The following ARFGEF3 variants were observed in gnomAD, a reference collection of about 807,000 sequenced individuals.
ARFGEF3 encodes the protein ARFGEF family member 3, also known as brefeldin A-inhibited guanine nucleotide-exchange protein 3.
ARFGEF3 carries 96 observed loss-of-function variants against 221.7 expected under a neutral mutation model. The observed-to-expected ratio is 0.43, with a 90% CI of 0.37 to 0.51. ARFGEF3 has a LOEUF of 0.51. Ranked by LOEUF, ARFGEF3 falls within the 20% of genes least tolerant of loss-of-function variation. The pLI, the probability that ARFGEF3 is intolerant of heterozygous loss-of-function variation, is 0.00. For synonymous variants in ARFGEF3, 1,145 were observed against 1,126.8 expected, an observed-to-expected ratio of 1.02 and a Z score of -0.32; for missense variants, 2,410 against 2,789.9, an observed-to-expected ratio of 0.86 and a Z score of 3.07.
At chr6:138,254,727 A>G (rs1026474779) in intron 9 of ARFGEF3, among the ~76,000 whole-genome samples, 1 of 152,136 alleles carries the variant, frequency 6.6e-6, no homozygotes, top group African/African-American at 2.4e-5. Context: ...AAAATATATA[A>G]TAATAATAAA....
In ARFGEF3 at chr6:138,287,150, G is replaced by A; in HGVS notation, c.2862G>A (p.Arg954=). 3.2e-6 allele frequency: 5 copies of A among 1,570,670 alleles called. No individual in the cohort carries two copies. The highest frequency in any genetic ancestry group is 4.3e-6 in the Non-Finnish European group (5 of 1,157,586). The change falls in exon 17 of 34, where the codon AGG becomes AGA. Residue 954 remains arginine (R), a synonymous_variant. Coordinates refer to ENST00000251691, the MANE Select transcript of ARFGEF3 (RefSeq NM_020340.5). ...GTGTCCAAGAAGAAAAAGAAGAGAG[G>A]GAGGCCCAAGAACCCAGTGATGCCA... The part of the protein sequence containing the change: ...ASCVQEEKEE[R]EAQEPSDAIT...
intron 8 of ARFGEF3, among the ~76,000 whole-genome samples, chr6:138,252,425 A>G (rs1242297499): frequency 6.6e-6 from 1 of 152,224 alleles, no homozygotes; most frequent in Non-Finnish European, 1.5e-5. Context: ...TATCAATGTC[A>G]GTGTATTAAA....
intron 32 of ARFGEF3, among the ~76,000 whole-genome samples, chr6:138,333,193 C>T (rs1335800746): frequency 6.6e-6 from 1 of 152,160 alleles, no homozygotes; most frequent in Non-Finnish European, 1.5e-5. Flanking sequence ...AAACATAGTA[C>T]AGGTTGAGCA....
chr6:138,287,942 G>C (rs548676507), intron 17 of ARFGEF3, among the ~76,000 whole-genome samples: 1 of 152,102 alleles, frequency 6.6e-6, no homozygotes, highest in East Asian at 1.9e-4. Context: ...CGCTCTCACA[G>C]ATCCCCAGCG....
Position 138,291,829 on chromosome 6 carries a change from A to T in ARFGEF3, c.3144A>T (p.Gly1048=), listed in dbSNP as rs752885757. 3.3e-6 allele frequency: 5 copies of T among 1,493,540 alleles called. No homozygotes were observed. The Admixed American group carries it at 1.1e-4, about 33-fold the overall frequency. The allele number at this position is 1,493,540 out of a possible 1,614,324, so 92.5% of individuals were successfully genotyped here. Residue 1048 remains glycine (G), a synonymous_variant, in exon 19 of 34, where the codon GGA becomes GGT. Transcript: ENST00000251691. This position sits in a 1 kb window ranked among gnomAD's most constrained non-coding sequence, Gnocchi z 4.5. ...LTISQPQKAT[G]SAGLLGDPEC... ...TCAGCCAGCCCCAGAAGGCCACTGG[A>T]AGCGCTGGCCTCCTTGGGGACCCCG...
At chr6:138,238,699 C>G in intron 6 of ARFGEF3, 68 bp downstream of exon 6, 1 of 1,539,134 alleles carries the variant, frequency 6.5e-7, no homozygotes, top group South Asian at 1.2e-5. Context: ...GCCCCGGGGC[C>G]CCCACTGCCA....
At chr6:138,210,491 T>TC (rs1402192742) in intron 4 of ARFGEF3, among the ~76,000 whole-genome samples, 2 of 152,062 alleles carry the variant, frequency 1.3e-5, no homozygotes, top group African/African-American at 2.4e-5. Context: ...TTTTTTTTTT[T>TC]CTCCTTCAAA....
intron 2 of ARFGEF3, among the ~76,000 whole-genome samples, chr6:138,192,928 GTC>G (rs1777336840): frequency 6.6e-6 from 1 of 152,036 alleles, no homozygotes; most frequent in Admixed American, 6.6e-5. Flanking sequence ...TTTTATGATA[GTC>G]TGTTTTCTAT....
Position 138,210,005 on chromosome 6 carries a change from T to A in ARFGEF3, c.315T>A (p.Pro105=). The A allele has an allele frequency of 6.2e-7, 1 of 1,613,876 alleles. No individual in the cohort carries two copies. Among genetic ancestry groups the A allele is most frequent in the Admixed American group, 1.7e-5 (1 of 60,024 alleles). ...NQILNAVKVT[P]SLNEDLQVEV... Reference sequence around the variant, plus strand: ...TACTGAATGCCGTGAAAGTGACGCCTTCGCTCAACGAGGACCTGCAGGTGG... The same window carrying A: ...TACTGAATGCCGTGAAAGTGACGCCATCGCTCAACGAGGACCTGCAGGTGG... Residue 105 remains proline, a synonymous_variant, in exon 4 of 34, where the codon CCT becomes CCA. Coordinates refer to ENST00000251691, the MANE Select transcript of ARFGEF3 (RefSeq NM_020340.5).
At chr6:138,195,340 C>G (rs1188915286) in intron 2 of ARFGEF3, among the ~76,000 whole-genome samples, 2 of 151,992 alleles carry the variant, frequency 1.3e-5, no homozygotes, top group Admixed American at 1.3e-4. Context: ...ATGTTTTATT[C>G]TTGAAGATAT....
At chr6:138,217,899 T>C in intron 4 of ARFGEF3, 1 of 1,459,318 alleles carries the variant, frequency 6.9e-7, no homozygotes, top group South Asian at 1.5e-5. Context: ...GTTCAGTTAC[T>C]TGGCTGGGCT....
intron 13 of ARFGEF3, 115 bp from the exon 14 acceptor site, chr6:138,279,884 C>A (rs763924200): frequency 2.0e-6 from 2 of 1,016,694 alleles, no homozygotes; most frequent in African/African-American, 1.6e-5. Flanking sequence ...TTACCCAATA[C>A]ACAAGCCTTG....
intron 14 of ARFGEF3, among the ~76,000 whole-genome samples, chr6:138,284,092 G>T (rs2114624777): frequency 6.6e-6 from 1 of 152,280 alleles, no homozygotes; most frequent in Non-Finnish European, 1.5e-5. Context: ...ATCACTTAAG[G>T]TCAGGAGTTA....
chr6:138,219,917 C>A (rs901948180), intron 4 of ARFGEF3, among the ~76,000 whole-genome samples: 1 of 152,014 alleles, frequency 6.6e-6, no homozygotes, highest in Non-Finnish European at 1.5e-5. Context: ...TTGACTGATT[C>A]TTGTATACTG....
chr6:138,313,051 A>G (rs752719413), intron 25 of ARFGEF3, among the ~76,000 whole-genome samples: 3 of 152,178 alleles, frequency 2.0e-5, no homozygotes, highest in Non-Finnish European at 4.4e-5. Flanking sequence ...TTCCTGTAGC[A>G]TTTATGTCTG....
At chr6:138,193,722 G>A (rs1176960230) in intron 2 of ARFGEF3, among the ~76,000 whole-genome samples, 1 of 152,074 alleles carries the variant, frequency 6.6e-6, no homozygotes, top group Non-Finnish European at 1.5e-5. Flanking sequence ...TACTTTAGTT[G>A]ACCATTTTGC....
At chr6:138,255,225 A>G (rs920567746) in intron 9 of ARFGEF3, among the ~76,000 whole-genome samples, 1 of 152,134 alleles carries the variant, frequency 6.6e-6, no homozygotes, top group Non-Finnish European at 1.5e-5. Flanking sequence ...CTTATATTTT[A>G]TTTCATTCAT....
At chr6:138,218,155 G>C (rs774538801) in intron 4 of ARFGEF3, 1 of 1,613,948 alleles carries the variant, frequency 6.2e-7, no homozygotes, top group Non-Finnish European at 8.5e-7. Flanking sequence ...AAGGGTGTGA[G>C]AATTGCATGG....
chr6:138,279,360 G>C (rs1583046268), intron 13 of ARFGEF3, among the ~76,000 whole-genome samples: 1 of 152,138 alleles, frequency 6.6e-6, no homozygotes, highest in Non-Finnish European at 1.5e-5. Context: ...ATTCCAACAT[G>C]TTCCCAGACC....
Sources: gnomAD v4.1 joint callset for allele counts (sites outside exome capture counted in the v4.1 genomes callset) on GRCh38, gnomAD v4.1.1 for gene constraint, Gnocchi (gnomAD v3.1) non-coding constraint, MANE v1.5 for transcripts, NCBI Gene and HGNC (gene_info 2026-07-23, HGNC 2026-07-21) for gene names.